PLCL1: variants seen among roughly 807,000 people sequenced by gnomAD.
PLCL1 encodes the protein inactive phospholipase C-like protein 1.
A neutral mutation model predicts 84.4 loss-of-function variants in PLCL1; 41 were observed. That is an observed-to-expected ratio of 0.49 (90% CI 0.38 to 0.63). The LOEUF is 0.63. Among genes scored for constraint, PLCL1 ranks in the 30% least tolerant of loss-of-function variants. The pLI is 0.00. For synonymous variants in PLCL1, 490 were observed against 488.3 expected, an observed-to-expected ratio of 1.00 and a Z score of -0.05; for missense variants, 1,206 against 1,367.8, an observed-to-expected ratio of 0.88 and a Z score of 1.87.
chr2:198,086,247 C>CT lies in PLCL1; in HGVS notation c.2715+15_2715+16insT. 1 of 1,483,528 alleles carries CT rather than the reference C, an allele frequency of 6.7e-7. No homozygotes were observed. The highest frequency in any genetic ancestry group is 1.4e-5 in the African/African-American group (1 of 71,716). 91.9% of individuals were successfully genotyped at this position (1,483,528 alleles called of 1,614,324 possible). A position where few individuals can be genotyped will look rare whatever the true frequency, so the allele number is the denominator to read the frequency against. ...AAAATATGCAGGTAGGAGAAACACT[C>CT]ACACTCTCCTTCCCTATCCCTGCTT... On this transcript the variant is annotated intron_variant, in intron 2 of 5. Transcript: ENST00000428675.
chr2:198,086,530 A>T (rs1692885439), intron 2 of PLCL1, among the ~76,000 whole-genome samples: 1 of 152,122 alleles, frequency 6.6e-6, no homozygotes, highest in Admixed American at 6.5e-5. Flanking sequence ...CTGACATGGG[A>T]GGATTACTTG....
At chr2:198,108,161 T>A (rs1308049625) in intron 5 of PLCL1, among the ~76,000 whole-genome samples, 1 of 151,952 alleles carries the variant, frequency 6.6e-6, no homozygotes, top group Non-Finnish European at 1.5e-5. Context: ...CTAAGTATTT[T>A]AATAAATGCT....
At chr2:197,924,251 C>A (rs959514398) in intron 1 of PLCL1, among the ~76,000 whole-genome samples, 3 of 152,120 alleles carry the variant, frequency 2.0e-5, no homozygotes, top group African/African-American at 7.2e-5. Flanking sequence ...TAGGCCTGAT[C>A]TTTGAAAATC....
chr2:198,076,581 C>T (rs973563991), intron 1 of PLCL1, among the ~76,000 whole-genome samples: 1 of 152,230 alleles, frequency 6.6e-6, no homozygotes, highest in African/African-American at 2.4e-5. Flanking sequence ...CTAGGGAAGG[C>T]CAGTGGTTTA....
At chr2:197,987,395 T>C (rs374757199) in intron 1 of PLCL1, among the ~76,000 whole-genome samples, 4 of 152,344 alleles carry the variant, frequency 2.6e-5, no homozygotes, top group African/African-American at 9.6e-5. Context: ...GTAGGCTGAA[T>C]TTAAACAGTT....
chr2:197,951,265 T>C (rs1689384962), intron 1 of PLCL1, among the ~76,000 whole-genome samples: 1 of 152,206 alleles, frequency 6.6e-6, no homozygotes, highest in African/African-American at 2.4e-5. Flanking sequence ...CAGCCCTTCC[T>C]CCAGCCTTTC....
At chr2:197,842,466 G>A (rs1687024624) in intron 1 of PLCL1, among the ~76,000 whole-genome samples, 1 of 151,948 alleles carries the variant, frequency 6.6e-6, no homozygotes, top group African/African-American at 2.4e-5. Flanking sequence ...CCTCAAAATT[G>A]CCATCCCCCA....
In PLCL1 at chr2:197,837,592, G is replaced by A. The variant is rs191845478; in HGVS notation, c.240+32253G>A. ...GCTAAGCTAAGGATGGGAACTGAAG[G>A]ATGAAGGATGGAGAGCCGGGATTGG... On this transcript the variant is annotated intron_variant, in intron 1 of 5. Transcript: ENST00000428675. 3.6e-3 allele frequency among the ~76,000 whole-genome samples: 543 copies of A among 152,318 alleles called. 2 individuals carry two copies. The highest frequency in any genetic ancestry group is 5.9e-3 in the Non-Finnish European group (404 of 68,034).
intron 1 of PLCL1, among the ~76,000 whole-genome samples, chr2:198,062,633 GT>G (rs1246820263): frequency 1.3e-5 from 2 of 152,028 alleles, no homozygotes; most frequent in African/African-American, 4.8e-5. Context: ...GCAATGTCTA[GT>G]TTTTTTCATA....
intron 1 of PLCL1, among the ~76,000 whole-genome samples, chr2:197,967,844 T>C (rs1689776132): frequency 6.6e-6 from 1 of 152,250 alleles, no homozygotes; most frequent in Non-Finnish European, 1.5e-5. Context: ...AAAGAAATTA[T>C]ATGCTCCCTC....
At position 197,872,089 on chromosome 2, in the gene PLCL1, A is replaced by T. The variant is rs1053811317; in HGVS notation, c.240+66750A>T. Reference sequence around the variant, plus strand: ...AACCTTTTGTGAGTAACTCGGACTAATATTTACAATGCTGGAAGATGTAAA... The same window carrying T: ...AACCTTTTGTGAGTAACTCGGACTATTATTTACAATGCTGGAAGATGTAAA... On this transcript the variant is annotated intron_variant, in intron 1 of 5. Transcript: ENST00000428675. Among the ~76,000 whole-genome samples, 3 of 152,306 alleles carry T rather than the reference A, an allele frequency of 2.0e-5. No homozygotes were observed. In the South Asian group the frequency reaches 6.2e-4, roughly 32 times the overall value.
At chr2:197,865,463 T>G (rs2105698415) in intron 1 of PLCL1, among the ~76,000 whole-genome samples, 1 of 152,182 alleles carries the variant, frequency 6.6e-6, no homozygotes. Flanking sequence ...CCTTTAACCT[T>G]AAGGAGCTCA....
intron 1 of PLCL1, among the ~76,000 whole-genome samples, chr2:198,043,881 C>CTTTA (rs768678501): frequency 8.0e-6 from 1 of 124,870 alleles, no homozygotes; most frequent in African/African-American, 3.0e-5. Context: ...AATTCTTGTT[C>CTTTA]TTTTTTTTTT....
chr2:198,104,590 G>C (rs747841856), intron 5 of PLCL1, among the ~76,000 whole-genome samples: 1 of 152,128 alleles, frequency 6.6e-6, no homozygotes, highest in South Asian at 2.1e-4. Flanking sequence ...TGGTAATTCT[G>C]TTTTAAGTTC....
At chr2:198,016,020 G>T (rs1238326001) in intron 1 of PLCL1, among the ~76,000 whole-genome samples, 1 of 152,158 alleles carries the variant, frequency 6.6e-6, no homozygotes, top group Admixed American at 6.5e-5. Flanking sequence ...CAATAAGTCT[G>T]ACATGTGAGT....
intron 1 of PLCL1, among the ~76,000 whole-genome samples, chr2:197,950,050 A>C (rs532839789): frequency 6.6e-6 from 1 of 152,300 alleles, no homozygotes; most frequent in Non-Finnish European, 1.5e-5. Flanking sequence ...CTTTGGCAGA[A>C]GACTCCAAAT....
At chr2:197,918,556 C>G (rs1447350041) in intron 1 of PLCL1, among the ~76,000 whole-genome samples, 1 of 152,106 alleles carries the variant, frequency 6.6e-6, no homozygotes, top group African/African-American at 2.4e-5. Context: ...TATTTTTCTA[C>G]AGTCTGATAC....
At chr2:197,989,122 A>AG (rs1372633619) in intron 1 of PLCL1, among the ~76,000 whole-genome samples, 7 of 152,220 alleles carry the variant, frequency 4.6e-5, no homozygotes, top group African/African-American at 1.7e-4. Flanking sequence ...AATGCGTAAA[A>AG]CAAAATATTT....
intron 5 of PLCL1, among the ~76,000 whole-genome samples, chr2:198,123,674 C>T (rs572384670): frequency 3.3e-5 from 5 of 152,152 alleles, no homozygotes; most frequent in East Asian, 1.9e-4. Flanking sequence ...GAGCAAACCT[C>T]GCTCCGTAAC....
Sources: allele counts gnomAD v4.1 joint callset (sites outside exome capture counted in the v4.1 genomes callset), GRCh38; gene constraint gnomAD v4.1.1; transcripts MANE v1.5; gene names NCBI Gene and HGNC (gene_info 2026-07-23, HGNC 2026-07-21).